TAFA1: variants seen among roughly 807,000 people sequenced by gnomAD.
TAFA1 encodes TAFA chemokine like family member 1.
A neutral mutation model predicts 18.5 loss-of-function variants in TAFA1; 4 were observed. The ratio of observed to expected loss-of-function variants is 0.22; its 90% CI spans 0.11 to 0.49. The LOEUF (loss-of-function observed/expected upper bound fraction) is 0.49. Ranked by LOEUF, TAFA1 falls within the 20% of genes least tolerant of loss-of-function variation. The probability of loss-of-function intolerance (pLI) is 0.98; values close to 1 mark genes in which losing one functional copy is unlikely to be tolerated. For synonymous variants in TAFA1, 56 were observed against 55.2 expected, an observed-to-expected ratio of 1.01 and a Z score of -0.06; for missense variants, 147 against 169.0, an observed-to-expected ratio of 0.87 and a Z score of 0.72.
chr3:68,456,852 T>C (rs1449687574), intron 3 of TAFA1, among the ~76,000 whole-genome samples: 2 of 152,220 alleles, frequency 1.3e-5, no homozygotes, highest in Non-Finnish European at 2.9e-5. Flanking sequence ...CAACTGCAGC[T>C]GCAGACCTCA....
intron 2 of TAFA1, among the ~76,000 whole-genome samples, chr3:68,091,550 G>A (rs1459910233): frequency 6.6e-6 from 1 of 152,042 alleles, no homozygotes; most frequent in African/African-American, 2.4e-5. Context: ...AAGCAAACAT[G>A]GTATCTGACT....
intron 2 of TAFA1, among the ~76,000 whole-genome samples, chr3:68,320,828 G>C (rs149507736): frequency 1.3e-5 from 2 of 152,152 alleles, no homozygotes; most frequent in Non-Finnish European, 2.9e-5. Flanking sequence ...CTGCACCCCA[G>C]AGGGAGCCAA....
At chr3:68,026,408 G>A (rs1704818413) in intron 2 of TAFA1, among the ~76,000 whole-genome samples, 1 of 151,198 alleles carries the variant, frequency 6.6e-6, no homozygotes, top group Admixed American at 6.6e-5. Context: ...AAGTTACTAT[G>A]ATTTTCAAAC....
chr3:68,423,325 A>G (rs560511365), intron 3 of TAFA1, among the ~76,000 whole-genome samples: 30 of 152,292 alleles, frequency 2.0e-4, no homozygotes, highest in African/African-American at 7.2e-4. Flanking sequence ...ATTCGCCAGG[A>G]AACTGAGGAT....
chr3:68,303,835 A>G (rs1222891162), intron 2 of TAFA1, among the ~76,000 whole-genome samples: 1 of 152,194 alleles, frequency 6.6e-6, no homozygotes, highest in Non-Finnish European at 1.5e-5. Flanking sequence ...TGTATTCGAA[A>G]AGCAGCCAGG....
intron 2 of TAFA1, among the ~76,000 whole-genome samples, chr3:68,138,727 C>A (rs903440415): frequency 2.0e-5 from 3 of 152,130 alleles, no homozygotes; most frequent in African/African-American, 7.2e-5. Context: ...TATAAAATAA[C>A]TAGTATAAAG....
intron 2 of TAFA1, among the ~76,000 whole-genome samples, chr3:68,074,675 G>A (rs1201623718): frequency 1.3e-5 from 2 of 152,122 alleles, no homozygotes; most frequent in Non-Finnish European, 2.9e-5. Flanking sequence ...AGAGACTCAG[G>A]GAGATGAAAT....
chr3:68,473,324 G>A (rs1433838772), intron 3 of TAFA1, among the ~76,000 whole-genome samples: 1 of 152,178 alleles, frequency 6.6e-6, no homozygotes, highest in African/African-American at 2.4e-5. Flanking sequence ...GACGAAATGG[G>A]AAGGGTATGA....
chr3:68,250,063 A>G (rs1457038974), intron 2 of TAFA1, among the ~76,000 whole-genome samples: 1 of 152,156 alleles, frequency 6.6e-6, no homozygotes. Flanking sequence ...TCATACGATA[A>G]ATTCATTCTG....
At chr3:68,487,794 T>C (rs1277491848) in intron 3 of TAFA1, among the ~76,000 whole-genome samples, 1 of 134,350 alleles carries the variant, frequency 7.4e-6, no homozygotes, top group Non-Finnish European at 1.6e-5. Context: ...AGTGTTAAAC[T>C]GTTCTCTGTA....
At chr3:68,335,435 C>T (rs944832387) in intron 2 of TAFA1, among the ~76,000 whole-genome samples, 8 of 152,146 alleles carry the variant, frequency 5.3e-5, no homozygotes, top group Non-Finnish European at 7.3e-5. Flanking sequence ...CAGAGATCAA[C>T]TTTTCCATAC....
chr3:68,510,190 G>A (rs1031694598), intron 3 of TAFA1, among the ~76,000 whole-genome samples: 5 of 151,898 alleles, frequency 3.3e-5, no homozygotes, highest in African/African-American at 1.2e-4. Context: ...AATCACTCTC[G>A]TAGGCAGAGT....
At chr3:68,089,911 G>T (rs756851506) in intron 2 of TAFA1, among the ~76,000 whole-genome samples, 3 of 152,168 alleles carry the variant, frequency 2.0e-5, no homozygotes, top group African/African-American at 7.2e-5. Context: ...GACTCACAGA[G>T]CTATTATACG....
intron 2 of TAFA1, among the ~76,000 whole-genome samples, chr3:68,306,877 T>C (rs1324616628): frequency 6.6e-6 from 1 of 152,220 alleles, no homozygotes; most frequent in East Asian, 1.9e-4. Context: ...TTAATTCTCA[T>C]ATTTCTAATG....
intron 2 of TAFA1, among the ~76,000 whole-genome samples, chr3:68,322,939 T>C (rs942627876): frequency 2.6e-5 from 4 of 151,996 alleles, no homozygotes; most frequent in East Asian, 3.9e-4. Flanking sequence ...CAAGACTCTG[T>C]CTCAAAAAAG....
intron 2 of TAFA1, among the ~76,000 whole-genome samples, chr3:68,188,507 T>A (rs2066296955): frequency 6.9e-6 from 1 of 145,720 alleles, no homozygotes; most frequent in South Asian, 2.1e-4. Context: ...GTATATATAT[T>A]TATATATATA....
In TAFA1 at chr3:68,130,159, G is replaced by A. The variant is rs948221680; in HGVS notation, c.118+123415G>A. 7.9e-5 allele frequency among the ~76,000 whole-genome samples: 12 copies of A among 152,328 alleles called. No homozygotes were observed. The South Asian group carries it at 1.2e-3, about 16-fold the overall frequency. ...GGAATGAAGAGCCCAAAGGGTATCC[G>A]TGAAGGTAAAGAATTAGTGGACAGC... On this transcript the variant is annotated intron_variant, in intron 2 of 4. Coordinates refer to ENST00000478136, the MANE Select transcript of TAFA1 (RefSeq NM_213609.4).
At chr3:68,533,254 C>T (rs2073217403) in intron 3 of TAFA1, among the ~76,000 whole-genome samples, 1 of 152,118 alleles carries the variant, frequency 6.6e-6, no homozygotes, top group African/African-American at 2.4e-5. Flanking sequence ...AGAGGCCTCA[C>T]AATCATGGCA....
At chr3:68,267,903 A>T (rs538927578) in intron 2 of TAFA1, among the ~76,000 whole-genome samples, 1 of 152,172 alleles carries the variant, frequency 6.6e-6, no homozygotes, top group Non-Finnish European at 1.5e-5. Flanking sequence ...CAATTGTCAG[A>T]TAATTTTAAG....
Sources: gnomAD v4.1 joint callset for allele counts (sites outside exome capture counted in the v4.1 genomes callset) on GRCh38, gnomAD v4.1.1 for gene constraint, MANE v1.5 for transcripts, NCBI Gene and HGNC (gene_info 2026-07-23, HGNC 2026-07-21) for gene names.